TMEM132D: variants seen among roughly 807,000 people sequenced by gnomAD.
TMEM132D encodes the protein transmembrane protein 132D, also known as mature OL transmembrane protein.
TMEM132D carries 21 observed loss-of-function variants against 62.3 expected under a neutral mutation model. The ratio of observed to expected loss-of-function variants is 0.34; its 90% CI spans 0.24 to 0.49. The LOEUF (loss-of-function observed/expected upper bound fraction) is 0.49, where lower values mean the gene tolerates loss of function less well. Among genes scored for constraint, TMEM132D ranks in the 20% least tolerant of loss-of-function variants. The pLI is 0.99. For synonymous variants in TMEM132D, 621 were observed against 575.6 expected (o/e 1.08, Z -1.13); for missense variants, 1,346 against 1,402.8 (o/e 0.96, Z 0.65).
At chr12:129,210,916 ATC>A (rs991152204) in intron 4 of TMEM132D, 1 of 152,414 alleles carries the variant, frequency 6.6e-6, no homozygotes. Context: ...GACACCCTGC[ATC>A]TCTCTCTCCA....
chr12:129,254,326 A>G (rs1050025996), intron 4 of TMEM132D, among the ~76,000 whole-genome samples: 2 of 152,208 alleles, frequency 1.3e-5, no homozygotes, highest in African/African-American at 4.8e-5. Context: ...ATGCGTGCCC[A>G]AATATGTGCA....
At position 129,420,306 on chromosome 12, in the gene TMEM132D, G is replaced by GTTTTTTTTTTTT. The variant is rs71082709; in HGVS notation, c.1116-82501_1116-82490dup. Among the ~76,000 whole-genome samples the GTTTTTTTTTTTT allele has an allele frequency of 1.2e-4, 13 of 112,302 alleles. 1 individual carries two copies. The highest frequency in any genetic ancestry group is 7.1e-4 in the East Asian group (2 of 2,798). The allele number at this position is 112,302 out of a possible 152,430, so 73.7% of individuals were successfully genotyped here. ...AATTTCAAATTATTGCACGTTCTCT[G>GTTTTTTTTTTTT]TTTTTTTTTTTTTTTTTTTTTTTTG... On this transcript the variant is annotated intron_variant, in intron 3 of 8. Transcript: ENST00000422113.
chr12:129,092,929 T>C (rs1874978818), intron 5 of TMEM132D, among the ~76,000 whole-genome samples: 1 of 152,210 alleles, frequency 6.6e-6, no homozygotes, highest in African/African-American at 2.4e-5. Context: ...AGAAGAACTT[T>C]AGCTCATTAT....
chr12:129,221,124 C>G (rs772001683), intron 4 of TMEM132D, among the ~76,000 whole-genome samples: 23 of 152,184 alleles, frequency 1.5e-4, no homozygotes, highest in Non-Finnish European at 2.9e-5. Context: ...ATGTACGGGT[C>G]AATGTTGTTT....
Position 129,078,433 on chromosome 12 carries a change from T to A in TMEM132D, c.2115+101A>T, listed in dbSNP as rs985890494. Reference sequence around the variant, plus strand: ...GGAGAAACAAACGCCCGATATATGATCCCACTCTATTGTGCGACCCGCCTG... The same window carrying A: ...GGAGAAACAAACGCCCGATATATGAACCCACTCTATTGTGCGACCCGCCTG... On this transcript the variant is annotated intron_variant, in intron 8 of 8. Transcript: ENST00000422113. The A allele has an allele frequency of 8.4e-6, 10 of 1,192,270 alleles. No homozygotes were observed. In the African/African-American group the frequency reaches 1.5e-4, roughly 18 times the overall value. 73.9% of individuals were successfully genotyped at this position (1,192,270 alleles called of 1,614,324 possible). A position where few individuals can be genotyped will look rare whatever the true frequency, so the allele number is the denominator to read the frequency against.
At chr12:129,466,559 A>T (rs1873914779) in intron 3 of TMEM132D, among the ~76,000 whole-genome samples, 1 of 152,162 alleles carries the variant, frequency 6.6e-6, no homozygotes, top group Non-Finnish European at 1.5e-5. Flanking sequence ...ACTGTTATGA[A>T]TCCTCTATCA....
rs556825718 is a variant in TMEM132D at position 129,725,809 on chromosome 12, C to T, written c.80-25111G>A. On this transcript the variant is annotated intron_variant, in intron 1 of 8. Coordinates refer to ENST00000422113, the MANE Select transcript of TMEM132D (RefSeq NM_133448.3). ...AGAGACTGCTTTCCTTGGAAAGGCT[C>T]CTTGCAAGGTTGGCCCTTGGCTGAC... is the stretch of plus-strand genomic sequence containing the variant. Among the ~76,000 whole-genome samples the T allele has an allele frequency of 9.2e-4, 140 of 152,304 alleles. 1 individual carries two copies. The highest frequency in any genetic ancestry group is 1.4e-3 in the Non-Finnish European group (97 of 68,022).
intron 1 of TMEM132D, among the ~76,000 whole-genome samples, chr12:129,736,597 A>G (rs1228344359): frequency 8.4e-6 from 1 of 119,704 alleles, no homozygotes; most frequent in Non-Finnish European, 1.7e-5. Context: ...AAGAAAAACA[A>G]TGATGTTTTA....
In TMEM132D at chr12:129,558,550, C is replaced by G. The variant is rs78820694; in HGVS notation, c.969-27345G>C. 8.1e-3 allele frequency among the ~76,000 whole-genome samples: 1,234 copies of G among 152,238 alleles called. 19 individuals carry two copies. The highest frequency in any genetic ancestry group is 0.028 in the African/African-American group (1,172 of 41,532). On this transcript the variant is annotated intron_variant, in intron 2 of 8. Coordinates refer to ENST00000422113, the MANE Select transcript of TMEM132D (RefSeq NM_133448.3). ...GGGAACGTGAGCAATCTCTGTGAAG[C>G]CACAGGACACAGTGACTTTCTGTCT... is the stretch of plus-strand genomic sequence containing the variant.
In TMEM132D at chr12:129,700,297, C is replaced by A. The variant is rs1474120462; in HGVS notation, c.481G>T (p.Ala161Ser). 3 of 1,613,632 alleles carry A rather than the reference C, an allele frequency of 1.9e-6. No individual in the cohort carries two copies. The highest frequency in any genetic ancestry group is 3.3e-5 in the Admixed American group (2 of 60,028). Reference sequence around the variant, plus strand: ...CTCAGGCACGGCAGCTTCTCCCCGGCGCTGCGGTCGTCCCAGTCTCTGCCC... The same window carrying A: ...CTCAGGCACGGCAGCTTCTCCCCGGAGCTGCGGTCGTCCCAGTCTCTGCCC... ...IMGRDWDDRS[A>S]GEKLPCLRVF... Residue 161 changes from alanine (A) to serine (S), a missense_variant, in exon 2 of 9, where the codon GCC becomes TCC. By Grantham distance (99) the Ala-to-Ser change is moderately conservative. Transcript: ENST00000422113.
chr12:129,476,456 C>A (rs893688903), intron 3 of TMEM132D, among the ~76,000 whole-genome samples: 5 of 152,224 alleles, frequency 3.3e-5, no homozygotes, highest in African/African-American at 1.2e-4. Context: ...CTCTGTCTGA[C>A]ATTGTTGGTG....
intron 3 of TMEM132D, among the ~76,000 whole-genome samples, chr12:129,429,589 T>A (rs1000652225): frequency 1.3e-5 from 2 of 151,638 alleles, no homozygotes; most frequent in African/African-American, 4.8e-5. Context: ...TTTCTTTTTT[T>A]TTTTTTTAAT....
chr12:129,885,938 A>C (rs1874737908), intron 1 of TMEM132D, among the ~76,000 whole-genome samples: 1 of 152,174 alleles, frequency 6.6e-6, no homozygotes, highest in Admixed American at 6.5e-5. Context: ...CAGAATTTTA[A>C]CCTAATGTAA....
intron 4 of TMEM132D, among the ~76,000 whole-genome samples, chr12:129,284,854 A>T (rs1881247243): frequency 6.6e-6 from 1 of 152,252 alleles, no homozygotes; most frequent in South Asian, 2.1e-4. Context: ...TTTGTAGGAA[A>T]TATCTGGAAT....
intron 1 of TMEM132D, among the ~76,000 whole-genome samples, chr12:129,765,105 G>A (rs1053007139): frequency 2.6e-5 from 4 of 152,170 alleles, no homozygotes; most frequent in African/African-American, 9.7e-5. Context: ...CTCTTGGCCT[G>A]TGATTATCTA....
At chr12:129,587,495 G>T (rs773741298) in intron 2 of TMEM132D, among the ~76,000 whole-genome samples, 2 of 151,840 alleles carry the variant, frequency 1.3e-5, no homozygotes, top group African/African-American at 4.8e-5. Flanking sequence ...CCCATGACAC[G>T]AGTTTACCTA....
intron 3 of TMEM132D, among the ~76,000 whole-genome samples, chr12:129,415,241 C>T (rs751500564): frequency 1.3e-5 from 2 of 152,146 alleles, no homozygotes; most frequent in Non-Finnish European, 1.5e-5. Flanking sequence ...TTGGAGGTAA[C>T]CTACCTACCA....
chr12:129,822,841 A>T (rs1054711064), intron 1 of TMEM132D, among the ~76,000 whole-genome samples: 1 of 152,134 alleles, frequency 6.6e-6, no homozygotes, highest in Admixed American at 6.5e-5. Flanking sequence ...TGCCCTTGAC[A>T]TTTGGGGATT....
intron 4 of TMEM132D, among the ~76,000 whole-genome samples, chr12:129,316,367 G>T (rs1194591073): frequency 2.0e-5 from 3 of 152,122 alleles, no homozygotes; most frequent in Non-Finnish European, 4.4e-5. Context: ...TCGGTTTGAA[G>T]AATTTTTAAA....
Sources: gnomAD v4.1 joint callset for allele counts (sites outside exome capture counted in the v4.1 genomes callset) on GRCh38, gnomAD v4.1.1 for gene constraint, MANE v1.5 for transcripts, NCBI Gene and HGNC (gene_info 2026-07-23, HGNC 2026-07-21) for gene names.